Variants in NUBP1 observed in about 807,000 individuals in gnomAD.
NUBP1 encodes cytosolic Fe-S cluster assembly factor NUBP1.
NUBP1 carries 46 observed loss-of-function variants against 41.8 expected under a neutral mutation model. The ratio of observed to expected loss-of-function variants is 1.10; its 90% confidence interval spans 0.87 to 1.41. The LOEUF (loss-of-function observed/expected upper bound fraction) is 1.41, where lower values mean the gene tolerates loss of function less well. Ranked by LOEUF, NUBP1 falls within the 40% of genes most tolerant of loss-of-function variation. NUBP1 has a pLI of 0.00. For missense variants in NUBP1, 494 were observed against 414.0 expected, an observed-to-expected ratio of 1.19 and a Z score of -1.68; for synonymous variants, 189 against 154.6, an observed-to-expected ratio of 1.22 and a Z score of -1.65.
chr16:10,757,970 C>T lies in NUBP1; in HGVS notation c.549C>T (p.Val183=), dbSNP rs567909347. The change falls in exon 7 of 11, where the codon GTC becomes GTT. Residue 183 remains valine, a synonymous_variant. Transcript: ENST00000283027. This position sits in a 1 kb window ranked among gnomAD's most constrained non-coding sequence, Gnocchi z 4.1. ...PPGTSDEHLS[V]VRYLATAHID... Reference sequence around the variant, plus strand: ...GGACGTCGGATGAACACCTCTCGGTCGTCCGGTACCTGGCCACAGCACACA... The same window carrying T: ...GGACGTCGGATGAACACCTCTCGGTTGTCCGGTACCTGGCCACAGCACACA... 2.5e-5 allele frequency: 40 copies of T among 1,614,112 alleles called. No homozygotes were observed. The highest frequency in any genetic ancestry group is 8.0e-5 in the African/African-American group (6 of 75,024).
intron 7 of NUBP1, 65 bp from the exon 8 acceptor site, chr16:10,761,299 G>T: frequency 6.9e-7 from 1 of 1,448,336 alleles, no homozygotes; most frequent in South Asian, 1.2e-5. Context: ...CCATCCCCTC[G>T]GTTGCACAGA....
At chr16:10,758,350 G>C (rs763822479) in intron 7 of NUBP1, among the ~76,000 whole-genome samples, 2 of 152,106 alleles carry the variant, frequency 1.3e-5, no homozygotes, top group African/African-American at 2.4e-5. Context: ...GCTCGCGCCT[G>C]TAGTTCCAGC....
At chr16:10,754,742 C>A (rs1053671094) in intron 4 of NUBP1, among the ~76,000 whole-genome samples, 1 of 151,930 alleles carries the variant, frequency 6.6e-6, no homozygotes, top group Non-Finnish European at 1.5e-5. Context: ...AAGAGTCAGG[C>A]AAATGTTCTA....
In NUBP1 at chr16:10,757,749, GC is replaced by G. The variant is rs1355949811; in HGVS notation, c.452-122del. On this transcript the variant is annotated intron_variant, in intron 6 of 10. Coordinates refer to ENST00000283027, the MANE Select transcript of NUBP1 (RefSeq NM_002484.4). The surrounding 1 kb of genome is among the most constrained non-coding windows in gnomAD (Gnocchi z 4.1). ...AGGCTGAGGTGGGAGGATTGCTTGA[GC>G]CTCAGAGTTAAGAGCCAACCTGGGC... is the stretch of plus-strand genomic sequence containing the variant. 2.5e-6 allele frequency: 3 copies of G among 1,180,138 alleles called. No individual in the cohort carries two copies. The East Asian group carries it at 7.2e-5, about 28-fold the overall frequency. The allele number at this position is 1,180,138 out of a possible 1,614,324, so 73.1% of individuals were successfully genotyped here.
chr16:10,760,084 G>C (rs1308605684), intron 7 of NUBP1, among the ~76,000 whole-genome samples: 1 of 152,250 alleles, frequency 6.6e-6, no homozygotes, highest in Non-Finnish European at 1.5e-5. Flanking sequence ...GAAAAACTCA[G>C]AGTTGAGAAG....
chr16:10,754,451 C>T (rs1900465276), intron 4 of NUBP1, among the ~76,000 whole-genome samples: 1 of 151,948 alleles, frequency 6.6e-6, no homozygotes. Flanking sequence ...CCATGTTGAC[C>T]AGGCTGGTCT....
intron 5 of NUBP1, 114 bp from the exon 6 acceptor site, chr16:10,756,575 GT>G (rs1288245549): frequency 4.7e-6 from 3 of 639,266 alleles, no homozygotes; most frequent in Non-Finnish European, 7.7e-6. Flanking sequence ...TCACATGGTA[GT>G]TTTGTCCTGA....
At chr16:10,744,981 C>G (rs1899996321) in intron 2 of NUBP1, among the ~76,000 whole-genome samples, 1 of 151,382 alleles carries the variant, frequency 6.6e-6, no homozygotes, top group African/African-American at 2.4e-5. Context: ...TGGTCTCGAA[C>G]TCCTGACCTC....
In NUBP1 at chr16:10,759,987, C is replaced by T. The variant is rs1900832007; in HGVS notation, c.607-1377C>T. ...TACACCTGACAGTGACAAGCCACAG[C>T]AGGACTTGGGTACAGGGATCTGTGA... is the stretch of plus-strand genomic sequence containing the variant. On this transcript the variant is annotated intron_variant, in intron 7 of 10. Transcript: ENST00000283027. The surrounding 1 kb of genome is among the most constrained non-coding windows in gnomAD (Gnocchi z 4.7). 6.6e-6 allele frequency among the ~76,000 whole-genome samples: 1 copy of T among 152,196 alleles called. No homozygotes were observed. Among genetic ancestry groups the T allele is most frequent in the African/African-American group, 2.4e-5 (1 of 41,444 alleles).
At position 10,767,322 on chromosome 16, in the gene NUBP1, C is replaced by G. The variant is rs980037363; in HGVS notation, c.821-627C>G. 5 of 399,498 alleles carry G rather than the reference C, an allele frequency of 1.3e-5. No homozygotes were observed. Among genetic ancestry groups the G allele is most frequent in the Non-Finnish European group, 1.3e-5 (3 of 226,878 alleles). 24.7% of individuals were successfully genotyped at this position (399,498 alleles called of 1,614,324 possible). A position where few individuals can be genotyped will look rare whatever the true frequency, so the allele number is the denominator to read the frequency against. ...AAACCTGGGTGTGCATAGGAGGGGA[C>G]TGGAACAATGGCCACATGGCGGGGA... On this transcript the variant is annotated intron_variant, in intron 9 of 10. Coordinates refer to ENST00000283027, the MANE Select transcript of NUBP1 (RefSeq NM_002484.4). This position sits in a 1 kb window ranked among gnomAD's most constrained non-coding sequence, Gnocchi z 4.6.
intron 3 of NUBP1, 80 bp from the exon 4 acceptor site, chr16:10,752,529 AC>A: frequency 8.7e-7 from 1 of 1,147,740 alleles, no homozygotes; most frequent in Non-Finnish European, 1.3e-6. Flanking sequence ...TTTTCCTCTA[AC>A]CCCGCTCCCC....
intron 2 of NUBP1, 113 bp downstream of exon 2, chr16:10,744,178 GGTATT>G (rs1386841073): frequency 1.8e-6 from 2 of 1,093,800 alleles, no homozygotes; most frequent in Non-Finnish European, 1.3e-6. Flanking sequence ...CAGGCTAGAA[GGTATT>G]GTATTCGGAG....
chr16:10,758,969 T>C (rs1296620011), intron 7 of NUBP1, among the ~76,000 whole-genome samples: 2 of 152,144 alleles, frequency 1.3e-5, no homozygotes, highest in East Asian at 3.9e-4. Flanking sequence ...GTGCTATCCA[T>C]CTCAGGGGCC....
intron 4 of NUBP1, 36 bp downstream of exon 4, chr16:10,752,714 C>T: frequency 2.6e-6 from 4 of 1,559,538 alleles, no homozygotes; most frequent in Non-Finnish European, 3.5e-6. Flanking sequence ...AAATTATTCT[C>T]TTAAGGCAAA....
chr16:10,762,316 G>A (rs567320858), intron 9 of NUBP1, among the ~76,000 whole-genome samples: 3 of 152,296 alleles, frequency 2.0e-5, no homozygotes, highest in South Asian at 2.1e-4. Flanking sequence ...ACCGGAACGC[G>A]GATCACTGGC....
chr16:10,745,913 G>A (rs1370843323), intron 2 of NUBP1, among the ~76,000 whole-genome samples: 1 of 152,204 alleles, frequency 6.6e-6, no homozygotes, highest in East Asian at 1.9e-4. Flanking sequence ...CAGTAATAGG[G>A]AAGGAGTTAG....
Position 10,759,373 on chromosome 16 carries a change from A to G in NUBP1, c.606+1346A>G, listed in dbSNP as rs979260526. On this transcript the variant is annotated intron_variant, in intron 7 of 10. Transcript: ENST00000283027. The surrounding 1 kb of genome is among the most constrained non-coding windows in gnomAD (Gnocchi z 4.7). ...GGGACATGGGGACGCAAGGAGGAGCAGGACACCAGCTGGGACCCTGGACAG... is the reference window on the plus strand; with the variant it reads ...GGGACATGGGGACGCAAGGAGGAGCGGGACACCAGCTGGGACCCTGGACAG... Among the ~76,000 whole-genome samples, 1 of 152,252 alleles carries G rather than the reference A, an allele frequency of 6.6e-6. No individual in the cohort carries two copies. Among genetic ancestry groups the G allele is most frequent in the Non-Finnish European group, 1.5e-5 (1 of 68,038 alleles).
intron 3 of NUBP1, 124 bp from the exon 4 acceptor site, chr16:10,752,486 A>G: frequency 1.4e-6 from 1 of 721,044 alleles, no homozygotes; most frequent in South Asian, 1.6e-5. Flanking sequence ...GATGGCTCCA[A>G]GTTTAACCCA....
rs1158452850 is a variant in NUBP1 at position 10,752,648 on chromosome 16, T to A, written c.297T>A (p.Ile99=). Residue 99 remains isoleucine (I), a synonymous_variant, in exon 4 of 11, where the codon ATT becomes ATA. Coordinates refer to ENST00000283027, the MANE Select transcript of NUBP1 (RefSeq NM_002484.4). ...LLDIDICGPS[I]PKIMGLEGEQ... Reference sequence around the variant, plus strand: ...ACATCGATATATGTGGGCCATCGATTCCCAAGATAATGGGATTGGAAGGAG... The same window carrying A: ...ACATCGATATATGTGGGCCATCGATACCCAAGATAATGGGATTGGAAGGAG... 1.9e-6 allele frequency: 3 copies of A among 1,613,936 alleles called. No homozygotes were observed. The highest frequency in any genetic ancestry group is 2.2e-5 in the South Asian group (2 of 91,078).
Sources: gnomAD v4.1 joint callset for allele counts (sites outside exome capture counted in the v4.1 genomes callset) on GRCh38, gnomAD v4.1.1 for gene constraint, Gnocchi (gnomAD v3.1) non-coding constraint, MANE v1.5 for transcripts, NCBI Gene and HGNC (gene_info 2026-07-23, HGNC 2026-07-21) for gene names.